The following NOM1 variants were observed in gnomAD, a reference collection of about 807,000 sequenced individuals.
The protein encoded by NOM1 is nucleolar protein with MIF4G domain 1, also known as nucleolar MIF4G domain-containing protein 1.
Under a neutral mutation model 73.3 loss-of-function variants are expected in NOM1, and 58 were observed. The observed-to-expected ratio is 0.79, with a 90% CI of 0.64 to 0.99. The LOEUF (loss-of-function observed/expected upper bound fraction) is 0.99. NOM1 is among the 50% of genes least tolerant of loss of function. NOM1 has a pLI of 0.00. For synonymous variants in NOM1, 487 were observed against 446.8 expected, an observed-to-expected ratio of 1.09 and a Z score of -1.14; for missense variants, 1,226 against 1,131.9, an observed-to-expected ratio of 1.08 and a Z score of -1.19.
rs761999667 is a variant in NOM1 at position 156,963,015 on chromosome 7, A to G, written c.1751A>G (p.Asn584Ser). ...LRKLQRALVR[N>S]AGSGSETQLR... is the part of the protein sequence containing the mutation. ...CTCTTCTCTCTTCATCAGGTCCGCAACGCCGGCTCAGGTTCTGAGACGCAG... is the reference window on the plus strand; with the variant it reads ...CTCTTCTCTCTTCATCAGGTCCGCAGCGCCGGCTCAGGTTCTGAGACGCAG... The change falls in exon 6 of 11, where the codon AAC becomes AGC. Residue 584 changes from asparagine to serine, a missense_variant. Transcript: ENST00000275820. 3.7e-6 allele frequency: 6 copies of G among 1,611,902 alleles called. No individual in the cohort carries two copies. Among genetic ancestry groups the G allele is most frequent in the East Asian group, 2.2e-5 (1 of 44,814 alleles).
chr7:156,967,933 G>T (rs900772513), intron 9 of NOM1, among the ~76,000 whole-genome samples: 1 of 152,108 alleles, frequency 6.6e-6, no homozygotes, highest in Non-Finnish European at 1.5e-5. Context: ...GGAGCGCCTG[G>T]GGGGCAAAGG....
chr7:156,959,727 T>C, intron 3 of NOM1, 124 bp from the exon 4 acceptor site: 1 of 932,554 alleles, frequency 1.1e-6, no homozygotes. Flanking sequence ...TGCCGAGGGA[T>C]GCCTTGTTGG....
intron 10 of NOM1, 22 bp downstream of exon 10, chr7:156,969,218 A>G (rs1805080058): frequency 2.4e-6 from 3 of 1,226,740 alleles, no homozygotes; most frequent in Admixed American, 1.7e-5. Flanking sequence ...ACCCTTTCCG[A>G]CGAGACATGG....
At position 156,966,310 on chromosome 7, in the gene NOM1, G is replaced by A. The variant is rs114968937; in HGVS notation, c.2074G>A (p.Val692Ile). Residue 692 changes from valine to isoleucine, a missense_variant, in exon 8 of 11, where the codon GTT becomes ATT. Physicochemically the swap from Val to Ile is conservative, Grantham distance 29. Coordinates refer to ENST00000275820, the MANE Select transcript of NOM1 (RefSeq NM_138400.2). ...KDQQEREIIH[V>I]LMDCCLQEKT... ...TCAGCAGGAGAGAGAAATCATTCAC[G>A]TTCTCATGGATTGCTGCCTTCAAGA... 4.7e-5 allele frequency: 76 copies of A among 1,614,162 alleles called. No homozygotes were observed. The East Asian group carries it at 1.0e-3, about 22-fold the overall frequency.
Position 156,962,132 on chromosome 7 carries a change from T to A in NOM1, c.1633-19T>A. The A allele has an allele frequency of 6.2e-7, 1 of 1,603,576 alleles. No homozygotes were observed. Among genetic ancestry groups the A allele is most frequent in the Non-Finnish European group, 8.5e-7 (1 of 1,170,686 alleles). Reference sequence around the variant, plus strand: ...CTGTTTGAAATGATGGACTTTCCATTTTTTCATTTTTCTTGAAGATTCGGT... The same window carrying A: ...CTGTTTGAAATGATGGACTTTCCATATTTTCATTTTTCTTGAAGATTCGGT... On this transcript the variant is annotated intron_variant, in intron 4 of 10. Transcript: ENST00000275820.
intron 3 of NOM1, among the ~76,000 whole-genome samples, chr7:156,957,537 A>T (rs981293153): frequency 6.6e-6 from 1 of 152,204 alleles, no homozygotes; most frequent in African/African-American, 2.4e-5. Context: ...GCACTTTGGG[A>T]GGCCGAGGCG....
At chr7:156,966,930 G>C in intron 8 of NOM1, 31 bp from the exon 9 acceptor site, 1 of 1,584,496 alleles carries the variant, frequency 6.3e-7, no homozygotes, top group Non-Finnish European at 8.6e-7. Flanking sequence ...GTGGCCGTTT[G>C]CCTTTTTTCT....
chr7:156,960,087 A>C lies in NOM1; in HGVS notation c.1545A>C (p.Lys515Asn). The C allele has an allele frequency of 1.2e-6, 2 of 1,614,174 alleles. No individual in the cohort carries two copies. The highest frequency in any genetic ancestry group is 1.7e-6 in the Non-Finnish European group (2 of 1,180,030). Residue 515 changes from lysine (K) to asparagine (N), a missense_variant, in exon 4 of 11, where the codon AAA becomes AAC. Coordinates refer to ENST00000275820, the MANE Select transcript of NOM1 (RefSeq NM_138400.2). ...AAAACGTGGGTTTTTCATTGAGGAA[A>C]GATGATGCTTTATCACTTAAGGAAT... ...MLKNVGFSLR[K>N]DDALSLKELI... is the part of the protein sequence containing the mutation.
Position 156,967,149 on chromosome 7 carries a change from G to T in NOM1, c.2298+57G>T, listed in dbSNP as rs575385751. On this transcript the variant is annotated intron_variant, in intron 9 of 10. Coordinates refer to ENST00000275820, the MANE Select transcript of NOM1 (RefSeq NM_138400.2). Reference sequence around the variant, plus strand: ...ATGGAAATGGGAGTGTAATTGTTTAGTACCTGGTAAATCAGGTCCTGTTTT... The same window carrying T: ...ATGGAAATGGGAGTGTAATTGTTTATTACCTGGTAAATCAGGTCCTGTTTT... 28 of 1,571,960 alleles carry T rather than the reference G, an allele frequency of 1.8e-5. No individual in the cohort carries two copies. In the African/African-American group the frequency reaches 3.7e-4, roughly 21 times the overall value.
rs756157311 is a variant in NOM1 at position 156,960,180 on chromosome 7, C to T, written c.1632+6C>T. On this transcript the variant is annotated splice_donor_region_variant and intron_variant, in intron 4 of 10. Coordinates refer to ENST00000275820, the MANE Select transcript of NOM1 (RefSeq NM_138400.2). Reference sequence around the variant, plus strand: ...AGTTTCAGGACCAGACCAGGGTACGCGTGCGACGCTTGATCTGCTTCCTAA... The same window carrying T: ...AGTTTCAGGACCAGACCAGGGTACGTGTGCGACGCTTGATCTGCTTCCTAA... 5.4e-5 allele frequency: 86 copies of T among 1,603,792 alleles called. No homozygotes were observed. The East Asian group carries it at 1.6e-3, about 31-fold the overall frequency.
rs1208468211 is a variant in NOM1, at chr7:156,971,048, C to G, written c.*1345C>G. The G allele has an allele frequency of 1.3e-5, 2 of 152,214 alleles. No homozygotes were observed. The highest frequency in any genetic ancestry group is 2.9e-5 in the Non-Finnish European group (2 of 68,040). 9.4% of individuals were successfully genotyped at this position (152,214 alleles called of 1,614,324 possible). A position where few individuals can be genotyped will look rare whatever the true frequency, so the allele number is the denominator to read the frequency against. ...TCTAGTGGGAGAAACAAACACACCC[C>G]ACTCACTAAGTATGGAAAACTGATT... On this transcript the variant is annotated 3_prime_UTR_variant, in exon 11 of 11. Transcript: ENST00000275820.
chr7:156,964,687 A>G (rs1489006692), intron 7 of NOM1, among the ~76,000 whole-genome samples: 1 of 152,218 alleles, frequency 6.6e-6, no homozygotes, highest in Non-Finnish European at 1.5e-5. Flanking sequence ...ACTAGGATGA[A>G]ATACAGGGAG....
In NOM1 at chr7:156,971,587, C is replaced by T. The variant is rs1336288345; in HGVS notation, c.*1884C>T. 6.6e-6 allele frequency: 1 copy of T among 152,216 alleles called. No homozygotes were observed. The highest frequency in any genetic ancestry group is 2.4e-5 in the African/African-American group (1 of 41,452). 9.4% of individuals were successfully genotyped at this position (152,216 alleles called of 1,614,324 possible). On this transcript the variant is annotated 3_prime_UTR_variant, in exon 11 of 11. Transcript: ENST00000275820. The stretch of plus-strand genomic sequence containing the variant: ...GGCTGGCCTCAAGTGATCCTCTTAC[C>T]TTGGCCTCCCAAACACCGGGATTAT...
rs2134804734 is a variant in NOM1, at chr7:156,970,910, G to T, written c.*1207G>T. Reference sequence around the variant, plus strand: ...TAAATGTACCATCTTAAACAACTCTGAGGTCACCAAACAGTAGTTATTTGA... The same window carrying T: ...TAAATGTACCATCTTAAACAACTCTTAGGTCACCAAACAGTAGTTATTTGA... On this transcript the variant is annotated 3_prime_UTR_variant, in exon 11 of 11. Coordinates refer to ENST00000275820, the MANE Select transcript of NOM1 (RefSeq NM_138400.2). The T allele has an allele frequency of 6.8e-6, 1 of 146,774 alleles. No homozygotes were observed. The highest frequency in any genetic ancestry group is 2.2e-4 in the South Asian group (1 of 4,642). The allele number at this position is 146,774 out of a possible 1,614,324, so 9.1% of individuals were successfully genotyped here. A position where few individuals can be genotyped will look rare whatever the true frequency, so the allele number is the denominator to read the frequency against.
Position 156,954,190 on chromosome 7 carries a change from G to A in NOM1, c.1200G>A (p.Leu400=). The A allele has an allele frequency of 6.2e-7, 1 of 1,613,782 alleles. No homozygotes were observed. Among genetic ancestry groups the A allele is most frequent in the South Asian group, 1.1e-5 (1 of 91,024 alleles). Residue 400 remains leucine, a synonymous_variant, in exon 3 of 11, where the codon CTG becomes CTA. Transcript: ENST00000275820. ...AHSRKDMNDT[L]TSALMGACVT... ...GCAGAAAGGACATGAATGACACCCTGACCTCCGCTCTCATGGGTGCCTGCG... is the reference window on the plus strand; with the variant it reads ...GCAGAAAGGACATGAATGACACCCTAACCTCCGCTCTCATGGGTGCCTGCG...
chr7:156,950,463 C>G lies in NOM1; in HGVS notation c.726C>G (p.Ala242=), dbSNP rs61740418. 0.041 allele frequency: 65,408 copies of G among 1,613,974 alleles called. 1,537 individuals carry two copies. The highest frequency in any genetic ancestry group is 0.046 in the Non-Finnish European group (54,465 of 1,179,982). Residue 242 remains alanine, a synonymous_variant, in exon 1 of 11, where the codon GCC becomes GCG. Transcript: ENST00000275820. ...GCAGTGGTGAGGAGGAGGAAGATGC[C>G]GGACAGACACTCCCCGAAAGTGACT... ...YDSSGEEEED[A]GQTLPESDLE...
chr7:156,950,775 G>C, intron 1 of NOM1, 51 bp downstream of exon 1: 3 of 1,483,314 alleles, frequency 2.0e-6, no homozygotes, highest in Non-Finnish European at 2.7e-6. Flanking sequence ...CAAAATAACG[G>C]GACAGGGAAT....
intron 3 of NOM1, among the ~76,000 whole-genome samples, chr7:156,958,160 G>T (rs1804773677): frequency 6.6e-6 from 1 of 151,330 alleles, no homozygotes; most frequent in African/African-American, 2.4e-5. Context: ...GTGGATCTCA[G>T]CCTTGCCTGC....
rs755889575 is a variant in NOM1, at chr7:156,950,235, C to T, written c.498C>T (p.Ala166=). ...ATAKTRPSAA[A]TAAARKRALL... ...CAAAGACCAGACCCTCCGCAGCCGC[C>T]ACCGCCGCTGCCCGGAAACGGGCGC... Residue 166 remains alanine, a synonymous_variant, in exon 1 of 11, where the codon GCC becomes GCT. Coordinates refer to ENST00000275820, the MANE Select transcript of NOM1 (RefSeq NM_138400.2). 5 of 1,612,858 alleles carry T rather than the reference C, an allele frequency of 3.1e-6. No individual in the cohort carries two copies. In the African/African-American group the frequency reaches 4.0e-5, roughly 13 times the overall value.
Sources: gnomAD v4.1 joint callset for allele counts (sites outside exome capture counted in the v4.1 genomes callset) on GRCh38, gnomAD v4.1.1 for gene constraint, MANE v1.5 for transcripts, NCBI Gene and HGNC (gene_info 2026-07-23, HGNC 2026-07-21) for gene names.